The following CSNK1G2 variants were observed in gnomAD, a reference collection of about 807,000 sequenced individuals.
CSNK1G2 encodes casein kinase I isoform gamma-2.
Under a neutral mutation model 48.0 loss-of-function variants are expected in CSNK1G2, and 11 were observed. That is an observed-to-expected ratio of 0.23 (90% CI 0.14 to 0.38). The LOEUF (loss-of-function observed/expected upper bound fraction) is 0.38. Among genes scored for constraint, CSNK1G2 ranks in the 10% least tolerant of loss-of-function variants. CSNK1G2 has a pLI of 1.00. For missense variants in CSNK1G2, 446 were observed against 595.5 expected (o/e 0.75, Z 2.61); for synonymous variants, 337 against 254.1 (o/e 1.33, Z -3.10).
intron 1 of CSNK1G2, among the ~76,000 whole-genome samples, chr19:1,955,122 G>A (rs966308525): frequency 1.3e-5 from 2 of 152,162 alleles, no homozygotes; most frequent in African/African-American, 4.8e-5. Context: ...GGTGATGGAC[G>A]GGTGCTGGGC....
At chr19:1,955,458 G>A (rs942580830) in intron 1 of CSNK1G2, among the ~76,000 whole-genome samples, 1 of 152,200 alleles carries the variant, frequency 6.6e-6, no homozygotes, top group Non-Finnish European at 1.5e-5. Flanking sequence ...CTGTGGGTCA[G>A]CGCCCCCCAC....
chr19:1,967,863 T>TC lies in CSNK1G2; in HGVS notation c.-265-1645_-265-1644insC, dbSNP rs1568196347. ...GCAGGTGGGGCTCCTCCCTCCTCCC[T>TC]TCTCCCCAGGCTGCCCCCGACCACC... is the stretch of plus-strand genomic sequence containing the variant. On this transcript the variant is annotated intron_variant, in intron 1 of 11. Transcript: ENST00000255641. Among the ~76,000 whole-genome samples the TC allele has an allele frequency of 8.2e-4, 26 of 31,548 alleles. 3 individuals carry two copies. Among genetic ancestry groups the TC allele is most frequent in the African/African-American group, 2.6e-3 (23 of 9,016 alleles). The allele number at this position is 31,548 out of a possible 152,430, so 20.7% of individuals were successfully genotyped here.
In CSNK1G2 at chr19:1,980,253, CG is replaced by C. The variant is rs2015937233; in HGVS notation, c.*51del. 2.5e-6 allele frequency: 4 copies of C among 1,606,294 alleles called. No individual in the cohort carries two copies. The highest frequency in any genetic ancestry group is 2.2e-5 in the South Asian group (2 of 90,844). On this transcript the variant is annotated 3_prime_UTR_variant, in exon 12 of 12. Transcript: ENST00000255641. The stretch of plus-strand genomic sequence containing the variant: ...ATCTTCTCCGTGCAGCCCCTTGGGG[CG>C]CGACCTTGTGCGAGGCCCTCGGGGC...
chr19:1,947,980 T>C (rs2014624705), intron 1 of CSNK1G2, among the ~76,000 whole-genome samples: 1 of 151,890 alleles, frequency 6.6e-6, no homozygotes, highest in Non-Finnish European at 1.5e-5. Flanking sequence ...GCCCGGGCAC[T>C]GGCCTCTCCT....
chr19:1,968,780 T>A (rs2015464870), intron 1 of CSNK1G2: 1 of 152,536 alleles, frequency 6.6e-6, no homozygotes, highest in South Asian at 2.1e-4. Context: ...GCCCCGCCAT[T>A]CCCTCCTCAG....
At chr19:1,964,270 G>T (rs2015292703) in intron 1 of CSNK1G2, among the ~76,000 whole-genome samples, 1 of 151,124 alleles carries the variant, frequency 6.6e-6, no homozygotes, top group Non-Finnish European at 1.5e-5. Flanking sequence ...TCCTGCCTGG[G>T]TGACAGAGTG....
At chr19:1,950,512 A>G (rs2145506141) in intron 1 of CSNK1G2, among the ~76,000 whole-genome samples, 1 of 147,036 alleles carries the variant, frequency 6.8e-6, no homozygotes, top group African/African-American at 2.6e-5. Context: ...GCAACATCTG[A>G]AGAAGATGTT....
At position 1,979,599 on chromosome 19, in the gene CSNK1G2, G is replaced by T; in HGVS notation, c.958G>T (p.Gly320Cys). 1.2e-6 allele frequency: 2 copies of T among 1,607,042 alleles called. No homozygotes were observed. Residue 320 changes from glycine to cysteine, a missense_variant, in exon 9 of 12, where the codon GGC (glycine) becomes TGC (cysteine). Gly to Cys is a radical substitution (Grantham distance 159, BLOSUM62 -3). Around this residue, in one of 2 missense-constraint regions of CSNK1G2, gnomAD observed 188 missense variants for 179.6 expected, o/e 1.05. Coordinates refer to ENST00000255641, the MANE Select transcript of CSNK1G2 (RefSeq NM_001319.7). The stretch of plus-strand genomic sequence containing the variant: ...CTTCACCGACCTCTTCGACCGCAGT[G>T]GCTTCGTGTTCGACTATGAGTACGA... ...KLFTDLFDRS[G>C]FVFDYEYDWA...
intron 2 of CSNK1G2, among the ~76,000 whole-genome samples, chr19:1,972,035 C>G (rs904559473): frequency 1.3e-5 from 2 of 152,204 alleles, no homozygotes; most frequent in African/African-American, 2.4e-5. Context: ...TCCCAAAGTG[C>G]TGGGATTACA....
chr19:1,979,441 C>A, intron 8 of CSNK1G2, 38 bp downstream of exon 8: 20 of 1,419,240 alleles, frequency 1.4e-5, no homozygotes, highest in Non-Finnish European at 1.9e-5. Context: ...TGCCCCCCAC[C>A]CCCCACCCCC....
At chr19:1,946,171 C>G (rs933386218) in intron 1 of CSNK1G2, among the ~76,000 whole-genome samples, 8 of 152,082 alleles carry the variant, frequency 5.3e-5, no homozygotes, top group Non-Finnish European at 1.0e-4. Context: ...TGTCTCAGGC[C>G]GCGCAGAGGA....
chr19:1,963,345 G>A (rs1159658049), intron 1 of CSNK1G2, among the ~76,000 whole-genome samples: 1 of 151,086 alleles, frequency 6.6e-6, no homozygotes, highest in East Asian at 2.0e-4. Context: ...CCGAGTAGCT[G>A]GGAGTACAGG....
At chr19:1,947,725 A>G (rs1284426420) in intron 1 of CSNK1G2, among the ~76,000 whole-genome samples, 1 of 152,160 alleles carries the variant, frequency 6.6e-6, no homozygotes, top group African/African-American at 2.4e-5. Flanking sequence ...AGGGCTTGCG[A>G]CCGCAGGGGT....
rs374624626 is a variant in CSNK1G2 at position 1,978,409 on chromosome 19, C to A, written c.229-33C>A. On this transcript the variant is annotated intron_variant, in intron 3 of 11. Coordinates refer to ENST00000255641, the MANE Select transcript of CSNK1G2 (RefSeq NM_001319.7). This position sits in a 1 kb window ranked among gnomAD's most constrained non-coding sequence, Gnocchi z 7.3. ...CCCCAGGGATTTCAGGGCAGCGACCCGGTCCCCTGGTGACTCGCTCTTGTG... is the reference window on the plus strand; with the variant it reads ...CCCCAGGGATTTCAGGGCAGCGACCAGGTCCCCTGGTGACTCGCTCTTGTG... The A allele has an allele frequency of 1.9e-6, 3 of 1,611,790 alleles. No homozygotes were observed. Among genetic ancestry groups the A allele is most frequent in the South Asian group, 2.2e-5 (2 of 91,032 alleles).
Position 1,980,001 on chromosome 19 carries a change from G to A in CSNK1G2, c.1177G>A (p.Val393Met), listed in dbSNP as rs1290284665. 1.3e-6 allele frequency: 2 copies of A among 1,579,726 alleles called. No homozygotes were observed. The highest frequency in any genetic ancestry group is 1.7e-6 in the Non-Finnish European group (2 of 1,162,468). The change falls in exon 11 of 12, where the codon GTG becomes ATG. Residue 393 changes from valine to methionine, a missense_variant. Transcript: ENST00000255641. ...APITAPAEVE[V>M]ADETKCCCFF... is the part of the protein sequence containing the mutation. ...GATCACAGCGCCTGCAGAGGTGGAG[G>A]TGGCCGATGAAACCAAGTAAGGCTC...
At chr19:1,953,415 T>C (rs370326361) in intron 1 of CSNK1G2, 11 of 534,384 alleles carry the variant, frequency 2.1e-5, no homozygotes, top group Non-Finnish European at 3.5e-5. Context: ...GCCGTCTTTG[T>C]GATGGATTTG....
Position 1,977,019 on chromosome 19 carries a change from A to G in CSNK1G2, c.188-1286A>G, listed in dbSNP as rs201317213. 7.2e-5 allele frequency among the ~76,000 whole-genome samples: 11 copies of G among 152,260 alleles called. No individual in the cohort carries two copies. In the East Asian group the frequency reaches 7.7e-4, roughly 11 times the overall value. ...CTCCCAAAGTGCTGGGATTACAGGCATAAGCCACCGTGCCCGGCCACAGAG... is the reference window on the plus strand; with the variant it reads ...CTCCCAAAGTGCTGGGATTACAGGCGTAAGCCACCGTGCCCGGCCACAGAG... On this transcript the variant is annotated intron_variant, in intron 2 of 11. Transcript: ENST00000255641.
At chr19:1,953,558 C>T (rs2014864315) in intron 1 of CSNK1G2, 1 of 507,700 alleles carries the variant, frequency 2.0e-6, no homozygotes, top group African/African-American at 1.9e-5. Context: ...GGACAGTGCC[C>T]TCCGCCAAGG....
chr19:1,977,825 A>G (rs991949345), intron 2 of CSNK1G2, among the ~76,000 whole-genome samples: 7 of 150,882 alleles, frequency 4.6e-5, no homozygotes, highest in South Asian at 2.1e-4. Context: ...TGGAAGTCCT[A>G]TGTGGCTGGT....
Sources: gnomAD v4.1 joint callset for allele counts (sites outside exome capture counted in the v4.1 genomes callset) on GRCh38, gnomAD v4.1.1 for gene constraint, gnomAD v4.1.1 regional missense constraint, Gnocchi (gnomAD v3.1) non-coding constraint, MANE v1.5 for transcripts, NCBI Gene and HGNC (gene_info 2026-07-23, HGNC 2026-07-21) for gene names.